The following PLEKHA7 variants were observed in gnomAD, a reference collection of about 807,000 sequenced individuals.
PLEKHA7 encodes the protein pleckstrin homology domain containing A7.
Under a neutral mutation model 170.0 loss-of-function variants are expected in PLEKHA7, and 104 were observed. The observed-to-expected ratio is 0.61, with a 90% CI of 0.52 to 0.72. The LOEUF (loss-of-function observed/expected upper bound fraction) is 0.72. PLEKHA7 is among the 30% of genes least tolerant of loss of function. The probability of loss-of-function intolerance (pLI) is 0.00; values close to 1 mark genes in which losing one functional copy is unlikely to be tolerated. For missense variants in PLEKHA7, 1,615 were observed against 1,671.7 expected (o/e 0.97, Z 0.59); for synonymous variants, 648 against 660.8 (o/e 0.98, Z 0.30).
chr11:16,856,272 C>T (rs763840221), intron 4 of PLEKHA7, among the ~76,000 whole-genome samples: 12 of 152,194 alleles, frequency 7.9e-5, no homozygotes, highest in South Asian at 2.1e-4. Flanking sequence ...CTTCTCAGCA[C>T]GCAAGAGCAA....
At chr11:16,932,277 C>CT (rs1341395722) in intron 3 of PLEKHA7, among the ~76,000 whole-genome samples, 6 of 42,692 alleles carry the variant, frequency 1.4e-4, no homozygotes, top group Admixed American at 6.0e-4. Flanking sequence ...ATTATTCATT[C>CT]CTTTTTTTTT....
chr11:17,009,233 C>A (rs971347533), intron 3 of PLEKHA7, among the ~76,000 whole-genome samples: 3 of 152,150 alleles, frequency 2.0e-5, no homozygotes, highest in African/African-American at 7.2e-5. Flanking sequence ...AATCATTGAA[C>A]CTTCATGGAC....
At chr11:16,874,496 G>A (rs1855129719) in intron 3 of PLEKHA7, among the ~76,000 whole-genome samples, 1 of 152,070 alleles carries the variant, frequency 6.6e-6, no homozygotes, top group Non-Finnish European at 1.5e-5. Context: ...ACAGAGTGAG[G>A]CTCTGTCCCA....
chr11:16,781,467 G>A (rs1327016823), intron 26 of PLEKHA7, among the ~76,000 whole-genome samples: 4 of 152,128 alleles, frequency 2.6e-5, no homozygotes, highest in African/African-American at 9.7e-5. Context: ...GCCCCTGCTC[G>A]AACCCTCCCC....
intron 3 of PLEKHA7, among the ~76,000 whole-genome samples, chr11:16,904,529 C>T (rs1304727372): frequency 6.6e-6 from 1 of 152,250 alleles, no homozygotes; most frequent in Non-Finnish European, 1.5e-5. Context: ...AAAATATAAT[C>T]TCAATTATCT....
At chr11:16,779,140 A>C (rs1346603903) in intron 26 of PLEKHA7, 120 bp from the exon 27 acceptor site, 8 of 685,980 alleles carry the variant, frequency 1.2e-5, no homozygotes, top group Non-Finnish European at 1.9e-5. Context: ...GGGCTCTGGC[A>C]ATGCGGCCGC....
chr11:16,892,435 T>TGTGTGTGTGTGTGTGTGTGTGTG (rs1554964897), intron 3 of PLEKHA7, among the ~76,000 whole-genome samples: 2,609 of 96,896 alleles, frequency 0.027, 44 homozygotes, highest in Non-Finnish European at 0.04. Flanking sequence ...TGTGTGTGTG[T>TGTGTGTGTGTGTGTGTGTGTGTG]TTTGTTTTGT....
chr11:16,817,891 T>C lies in PLEKHA7; in HGVS notation c.1344-569A>G, dbSNP rs1172387546. On this transcript the variant is annotated intron_variant, in intron 10 of 26. Coordinates refer to ENST00000531066, the MANE Select transcript of PLEKHA7 (RefSeq NM_001329630.2). The surrounding 1 kb of genome is among the most constrained non-coding windows in gnomAD (Gnocchi z 4.4). ...CAGTTCCTTGCTGCAAAAACTTCCATGGCTCCTTGTCCCTTCTGAAATAAA... is the reference window on the plus strand; with the variant it reads ...CAGTTCCTTGCTGCAAAAACTTCCACGGCTCCTTGTCCCTTCTGAAATAAA... 6.6e-6 allele frequency among the ~76,000 whole-genome samples: 1 copy of C among 152,230 alleles called. No homozygotes were observed. The highest frequency in any genetic ancestry group is 1.9e-4 in the East Asian group (1 of 5,194).
intron 6 of PLEKHA7, 27 bp downstream of exon 6, chr11:16,854,862 A>G (rs765278312): frequency 6.3e-7 from 1 of 1,595,730 alleles, no homozygotes; most frequent in East Asian, 2.2e-5. Flanking sequence ...CATTTCCTCC[A>G]GGATTCTCAC....
At position 16,962,031 on chromosome 11, in the gene PLEKHA7, T is replaced by C. The variant is rs9667079; in HGVS notation, c.221+51958A>G. 8.2e-3 allele frequency among the ~76,000 whole-genome samples: 1,251 copies of C among 152,260 alleles called. 20 individuals are homozygous for C. The highest frequency in any genetic ancestry group is 0.028 in the African/African-American group (1,181 of 41,538). The stretch of plus-strand genomic sequence containing the variant: ...CGTTGCAAAATCAAGCTGATCCCAC[T>C]CCCACTTCAGAAGGGAGGAAATGGG... On this transcript the variant is annotated intron_variant, in intron 3 of 26. Coordinates refer to ENST00000531066, the MANE Select transcript of PLEKHA7 (RefSeq NM_001329630.2).
At chr11:16,929,912 G>A (rs530862530) in intron 3 of PLEKHA7, among the ~76,000 whole-genome samples, 2 of 152,304 alleles carry the variant, frequency 1.3e-5, no homozygotes, top group South Asian at 4.1e-4. Context: ...GCTGAGGCAG[G>A]AGAATCACTC....
chr11:16,951,219 T>A (rs147341906), intron 3 of PLEKHA7, among the ~76,000 whole-genome samples: 28 of 152,302 alleles, frequency 1.8e-4, no homozygotes, highest in Admixed American at 5.2e-4. Context: ...AATACTGGTA[T>A]AGGAACCCAG....
intron 9 of PLEKHA7, among the ~76,000 whole-genome samples, chr11:16,836,911 C>T (rs1046248432): frequency 6.6e-6 from 1 of 151,926 alleles, no homozygotes; most frequent in Non-Finnish European, 1.5e-5. Context: ...GAAACCTCTG[C>T]CTCCTGAGTT....
chr11:16,957,409 T>A (rs1249748214), intron 3 of PLEKHA7, among the ~76,000 whole-genome samples: 1 of 152,202 alleles, frequency 6.6e-6, no homozygotes, highest in East Asian at 1.9e-4. Context: ...TAAAAGCATA[T>A]CCAGCAGCCA....
chr11:16,893,307 G>T (rs1354687127), intron 3 of PLEKHA7, among the ~76,000 whole-genome samples: 2 of 152,174 alleles, frequency 1.3e-5, no homozygotes, highest in African/African-American at 4.8e-5. Context: ...GTACCCTACT[G>T]TGGGCATTTA....
chr11:16,793,910 T>C (rs1848029711), intron 19 of PLEKHA7, among the ~76,000 whole-genome samples: 1 of 152,164 alleles, frequency 6.6e-6, no homozygotes, highest in Non-Finnish European at 1.5e-5. Context: ...ATTCACTAGT[T>C]AGCATGGAGA....
At chr11:16,855,490 A>T (rs549674201) in intron 5 of PLEKHA7, 1 of 322,650 alleles carries the variant, frequency 3.1e-6, no homozygotes, top group East Asian at 6.5e-5. Flanking sequence ...CATGTCACCA[A>T]ATCTCTCCAG....
chr11:16,892,593 G>GT (rs1181918641), intron 3 of PLEKHA7, among the ~76,000 whole-genome samples: 1 of 146,050 alleles, frequency 6.8e-6, no homozygotes, highest in Non-Finnish European at 1.5e-5. Flanking sequence ...CCACAGGTGC[G>GT]TGCCACCATG....
At chr11:16,889,416 A>AT (rs1160462846) in intron 3 of PLEKHA7, among the ~76,000 whole-genome samples, 1,359 of 109,130 alleles carry the variant, frequency 0.012, 18 homozygotes, top group Admixed American at 0.041. Context: ...AAAAAAAAAA[A>AT]AAAAATATAT....
Sources: gnomAD v4.1 joint callset for allele counts (sites outside exome capture counted in the v4.1 genomes callset) on GRCh38, gnomAD v4.1.1 for gene constraint, Gnocchi (gnomAD v3.1) non-coding constraint, MANE v1.5 for transcripts, NCBI Gene and HGNC (gene_info 2026-07-23, HGNC 2026-07-21) for gene names.